Variants in MCF2L observed in about 807,000 individuals in gnomAD.
MCF2L encodes the protein MCF.2 cell line derived transforming sequence like, also known as guanine nucleotide exchange factor DBS.
In MCF2L, 97 loss-of-function variants were observed where a neutral mutation model predicts 153.4. That is an observed-to-expected ratio of 0.63 (90% CI 0.54 to 0.75). MCF2L has a LOEUF of 0.75. Among genes scored for constraint, MCF2L ranks in the 30% least tolerant of loss-of-function variants. The probability of loss-of-function intolerance (pLI) is 0.00; values close to 1 mark genes in which losing one functional copy is unlikely to be tolerated. For synonymous variants in MCF2L, 659 were observed against 632.2 expected, an observed-to-expected ratio of 1.04 and a Z score of -0.64; for missense variants, 1,347 against 1,495.2, an observed-to-expected ratio of 0.90 and a Z score of 1.64.
At chr13:112,894,814 G>A (rs983438499) in intron 1 of MCF2L, among the ~76,000 whole-genome samples, 48 of 152,090 alleles carry the variant, frequency 3.2e-4, no homozygotes, top group Admixed American at 2.9e-3. Context: ...GACCACCCCG[G>A]GAGCTCTGCC....
At chr13:113,008,675 G>A (rs1214021563) in intron 1 of MCF2L, 1 of 152,210 alleles carries the variant, frequency 6.6e-6, no homozygotes, top group Non-Finnish European at 1.5e-5. Context: ...AGGGACCTCC[G>A]TGACCACGCC....
At chr13:112,913,509 T>C (rs540738468) in intron 2 of MCF2L, among the ~76,000 whole-genome samples, 1 of 152,356 alleles carries the variant, frequency 6.6e-6, no homozygotes, top group East Asian at 1.9e-4. Flanking sequence ...TCTTTGATCA[T>C]TGAGTTGAGA....
intron 3 of MCF2L, among the ~76,000 whole-genome samples, chr13:113,038,587 A>C (rs1004262654): frequency 6.6e-6 from 1 of 152,228 alleles, no homozygotes; most frequent in African/African-American, 2.4e-5. Flanking sequence ...AAACATATAG[A>C]TCGAATGCAG....
Position 113,046,467 on chromosome 13 carries a change from T to A in MCF2L, c.369+1106T>A, listed in dbSNP as rs1284682034. The A allele has an allele frequency of 2.0e-6, 1 of 498,942 alleles. No homozygotes were observed. The highest frequency in any genetic ancestry group is 2.0e-5 in the African/African-American group (1 of 49,822). The allele number at this position is 498,942 out of a possible 1,614,324, so 30.9% of individuals were successfully genotyped here. On this transcript the variant is annotated intron_variant, in intron 4 of 29. Coordinates refer to ENST00000535094, the MANE Select transcript of MCF2L (RefSeq NM_001112732.3). The surrounding 1 kb of genome is among the most constrained non-coding windows in gnomAD (Gnocchi z 4.4). Reference sequence around the variant, plus strand: ...TCAGATTCTCCTGGCCTTTCCTGGGTCCCGCGTTCAGACTACCTTTGGGTT... The same window carrying A: ...TCAGATTCTCCTGGCCTTTCCTGGGACCCGCGTTCAGACTACCTTTGGGTT...
chr13:113,007,188 C>T (rs901515893), intron 1 of MCF2L, among the ~76,000 whole-genome samples: 1 of 152,162 alleles, frequency 6.6e-6, no homozygotes, highest in Non-Finnish European at 1.5e-5. Context: ...ATCCAGGGTC[C>T]GTGCAGAGCC....
chr13:112,989,897 G>A (rs1214265004), intron 1 of MCF2L, among the ~76,000 whole-genome samples: 9 of 152,236 alleles, frequency 5.9e-5, no homozygotes, highest in Non-Finnish European at 1.3e-4. Context: ...ATGGTTTCAG[G>A]GTGAAACGGT....
chr13:112,901,140 C>A (rs567768436), intron 1 of MCF2L, among the ~76,000 whole-genome samples: 2 of 152,098 alleles, frequency 1.3e-5, no homozygotes, highest in African/African-American at 2.4e-5. Context: ...GTGGAGCCAC[C>A]GATACCGTTT....
intron 8 of MCF2L, 78 bp from the exon 9 acceptor site, chr13:113,069,981 C>G: frequency 1.1e-6 from 1 of 921,126 alleles, no homozygotes. Flanking sequence ...GCCTTGGGGT[C>G]GCTTGAACAC....
intron 1 of MCF2L, among the ~76,000 whole-genome samples, chr13:112,989,839 G>A (rs1353177832): frequency 3.9e-5 from 6 of 152,192 alleles, no homozygotes; most frequent in African/African-American, 7.2e-5. Context: ...TTCTGGCACC[G>A]GGGACCAGTT....
chr13:112,969,211 GGCGC>G, exon 1 of MCF2L: 1 of 1,151,432 alleles, frequency 8.7e-7, no homozygotes, highest in Non-Finnish European at 1.1e-6. The surrounding 1 kb of genome is among the most constrained non-coding windows in gnomAD (Gnocchi z 4.8). Flanking sequence ...CCCTCCCGGT[GGCGC>G]GGAACCAATC....
chr13:113,056,481 GTTT>G, intron 4 of MCF2L, among the ~76,000 whole-genome samples: 2 of 149,648 alleles, frequency 1.3e-5, no homozygotes, highest in Admixed American at 6.6e-5. Context: ...GGTGCTGAGT[GTTT>G]GGGTGCTGAG....
chr13:113,089,508 C>A, intron 25 of MCF2L, 102 bp from the exon 26 acceptor site: 2 of 771,974 alleles, frequency 2.6e-6, no homozygotes, highest in South Asian at 1.6e-5. Flanking sequence ...TAGGATCAGG[C>A]CGGGAGCTCA....
chr13:113,001,577 TG>T, intron 1 of MCF2L: 2 of 633,388 alleles, frequency 3.2e-6, no homozygotes, highest in Non-Finnish European at 2.2e-6. Context: ...TGGCGGAGTG[TG>T]GGGCCCCTGC....
intron 26 of MCF2L, among the ~76,000 whole-genome samples, chr13:113,092,261 C>T (rs2035281334): frequency 6.6e-6 from 1 of 152,254 alleles, no homozygotes; most frequent in Non-Finnish European, 1.5e-5. Context: ...CCTCTGCTTC[C>T]GTCTCGTCAT....
At chr13:112,919,735 A>AT (rs1451143325) in intron 2 of MCF2L, among the ~76,000 whole-genome samples, 3 of 152,130 alleles carry the variant, frequency 2.0e-5, no homozygotes, top group African/African-American at 7.2e-5. Context: ...TACTAGACAG[A>AT]TTTTTTTAGT....
chr13:113,079,021 C>T (rs912196), intron 15 of MCF2L, among the ~76,000 whole-genome samples: 48,757 of 152,164 alleles, frequency 0.32, 8,243 homozygotes, highest in Middle Eastern at 0.39. Flanking sequence ...GGGGCATCTT[C>T]GCCCCAGCAA....
chr13:113,001,821 A>G, intron 1 of MCF2L: 1 of 1,459,908 alleles, frequency 6.8e-7, no homozygotes, highest in Non-Finnish European at 9.0e-7. Flanking sequence ...CTTCGCGGCC[A>G]AGATGGTGCT....
At chr13:113,041,464 C>CT (rs2086480216) in intron 3 of MCF2L, among the ~76,000 whole-genome samples, 1 of 151,012 alleles carries the variant, frequency 6.6e-6, no homozygotes, top group East Asian at 2.0e-4. Context: ...TGGCCCTGCC[C>CT]CCGTGACCAC....
chr13:112,979,634 C>T (rs762192731), intron 1 of MCF2L: 9 of 1,612,172 alleles, frequency 5.6e-6, no homozygotes, highest in East Asian at 4.5e-5. Context: ...GAGCTGCCTC[C>T]GCTTTGTAGC....
Sources: gnomAD v4.1 joint callset for allele counts (sites outside exome capture counted in the v4.1 genomes callset) on GRCh38, gnomAD v4.1.1 for gene constraint, Gnocchi (gnomAD v3.1) non-coding constraint, MANE v1.5 for transcripts, NCBI Gene and HGNC (gene_info 2026-07-23, HGNC 2026-07-21) for gene names.